The following CGNL1 variants were observed in gnomAD, a reference collection of about 807,000 sequenced individuals.
CGNL1 encodes cingulin like 1.
Under a neutral mutation model 141.2 loss-of-function variants are expected in CGNL1, and 132 were observed. The ratio of observed to expected loss-of-function variants is 0.93; its 90% CI spans 0.81 to 1.08. The LOEUF (loss-of-function observed/expected upper bound fraction) is 1.08, where lower values mean the gene tolerates loss of function less well. Among genes scored for constraint, CGNL1 ranks in the 50% least tolerant of loss-of-function variants. The pLI is 0.00. For synonymous variants in CGNL1, 690 were observed against 622.1 expected, an observed-to-expected ratio of 1.11 and a Z score of -1.63; for missense variants, 1,870 against 1,588.6, an observed-to-expected ratio of 1.18 and a Z score of -3.01.
At chr15:57,537,685 G>T (rs1321133213) in intron 14 of CGNL1, among the ~76,000 whole-genome samples, 1 of 152,128 alleles carries the variant, frequency 6.6e-6, no homozygotes, top group East Asian at 1.9e-4. Flanking sequence ...AACCCAAAAG[G>T]CAGCTACTTA....
intron 16 of CGNL1, 34 bp from the exon 17 acceptor site, chr15:57,545,558 G>A (rs749547840): frequency 1.3e-5 from 20 of 1,582,690 alleles, no homozygotes; most frequent in Non-Finnish European, 1.6e-5. Context: ...GGATGGGAGT[G>A]AGAGGGTTCT....
intron 7 of CGNL1, among the ~76,000 whole-genome samples, chr15:57,460,165 C>G (rs1447098539): frequency 6.6e-6 from 1 of 151,838 alleles, no homozygotes; most frequent in Non-Finnish European, 1.5e-5. Flanking sequence ...TATCTTGGCA[C>G]TACAAGAAAG....
At chr15:57,391,633 A>T (rs2062544391) in intron 1 of CGNL1, among the ~76,000 whole-genome samples, 1 of 152,226 alleles carries the variant, frequency 6.6e-6, no homozygotes, top group Non-Finnish European at 1.5e-5. Flanking sequence ...AACAGCAAAA[A>T]GTGGTTAAAA....
At chr15:57,457,910 A>G (rs536686332) in intron 7 of CGNL1, among the ~76,000 whole-genome samples, 24 of 152,254 alleles carry the variant, frequency 1.6e-4, no homozygotes, top group African/African-American at 5.5e-4. Context: ...CTTGCTTCTC[A>G]GCCTTCTTGA....
intron 1 of CGNL1, among the ~76,000 whole-genome samples, chr15:57,396,276 T>A (rs1395894386): frequency 7.8e-6 from 1 of 128,036 alleles, no homozygotes; most frequent in African/African-American, 2.9e-5. Flanking sequence ...TTTCTTTCTT[T>A]GTTTTTTTTT....
In CGNL1 at chr15:57,547,401, G is replaced by A. The variant is rs746327519; in HGVS notation, c.3820G>A (p.Asp1274Asn). The change falls in exon 19 of 19, where the codon GAT becomes AAT. Residue 1274 changes from aspartate to asparagine, a missense_variant. Coordinates refer to ENST00000281282, the MANE Select transcript of CGNL1 (RefSeq NM_032866.5). ...SKVLDDMDDD[D>N]DLSTDGGSLY... Reference sequence around the variant, plus strand: ...AGTGCTGGATGACATGGATGACGACGATGACCTCAGCACGGATGGGGGAAG... The same window carrying A: ...AGTGCTGGATGACATGGATGACGACAATGACCTCAGCACGGATGGGGGAAG... 1.2e-6 allele frequency: 2 copies of A among 1,614,094 alleles called. No individual in the cohort carries two copies. The highest frequency in any genetic ancestry group is 1.7e-6 in the Non-Finnish European group (2 of 1,180,022).
intron 1 of CGNL1, among the ~76,000 whole-genome samples, chr15:57,399,529 C>T (rs2062636651): frequency 6.8e-6 from 1 of 147,424 alleles, no homozygotes; most frequent in African/African-American, 2.5e-5. Context: ...CCTGAAGACC[C>T]AGGACATCTA....
intron 12 of CGNL1, among the ~76,000 whole-genome samples, chr15:57,528,266 A>T (rs1238118694): frequency 6.6e-6 from 1 of 151,250 alleles, no homozygotes; most frequent in Middle Eastern, 3.4e-3. Context: ...CAAAAAAAAA[A>T]GACAAAAAAA....
chr15:57,484,371 A>G lies in CGNL1; in HGVS notation c.2403+22479A>G, dbSNP rs556243396. 1.4e-3 allele frequency among the ~76,000 whole-genome samples: 211 copies of G among 152,250 alleles called. 7 individuals carry two copies. The highest frequency in any genetic ancestry group is 4.6e-4 in the Non-Finnish European group (31 of 68,012). On this transcript the variant is annotated intron_variant, in intron 8 of 18. Transcript: ENST00000281282. ...TTAAGGAATTGGTCTATTTCATCTAAGTTGTCAGATGTGTGTTGAGTTGTT... is the reference window on the plus strand; with the variant it reads ...TTAAGGAATTGGTCTATTTCATCTAGGTTGTCAGATGTGTGTTGAGTTGTT...
chr15:57,397,386 T>A (rs2062614265), intron 1 of CGNL1, among the ~76,000 whole-genome samples: 1 of 152,186 alleles, frequency 6.6e-6, no homozygotes, highest in Non-Finnish European at 1.5e-5. Context: ...GTGGTGGTGT[T>A]GGAGAAAATG....
At chr15:57,531,643 C>A in intron 13 of CGNL1, 47 bp from the exon 14 acceptor site, 1 of 1,248,568 alleles carries the variant, frequency 8.0e-7, no homozygotes, top group Non-Finnish European at 1.2e-6. Context: ...GCTGTTAATC[C>A]CGGTCAGTGC....
At chr15:57,518,599 G>A (rs979094764) in intron 10 of CGNL1, 102 bp downstream of exon 10, 2 of 771,402 alleles carry the variant, frequency 2.6e-6, no homozygotes, top group Admixed American at 2.2e-5. Context: ...CTCTTTCCAT[G>A]TAGCTCCCTT....
chr15:57,469,240 G>A lies in CGNL1; in HGVS notation c.2403+7348G>A, dbSNP rs947897696. ...GAGGAAGAAGAGAGACAGCTGACCTGAGCAGGCATCGTCTCTGGGTGCCTG... is the reference window on the plus strand; with the variant it reads ...GAGGAAGAAGAGAGACAGCTGACCTAAGCAGGCATCGTCTCTGGGTGCCTG... On this transcript the variant is annotated intron_variant, in intron 8 of 18. Transcript: ENST00000281282. 7.2e-5 allele frequency among the ~76,000 whole-genome samples: 11 copies of A among 151,992 alleles called. 1 individual carries two copies. The highest frequency in any genetic ancestry group is 4.6e-4 in the Admixed American group (7 of 15,258).
intron 1 of CGNL1, among the ~76,000 whole-genome samples, chr15:57,387,155 C>T (rs1340243188): frequency 6.6e-6 from 1 of 152,172 alleles, no homozygotes; most frequent in East Asian, 1.9e-4. Context: ...GTGGAACTGC[C>T]TAGTCTAGAT....
At chr15:57,523,974 A>G (rs1431682986) in intron 11 of CGNL1, among the ~76,000 whole-genome samples, 4 of 152,054 alleles carry the variant, frequency 2.6e-5, no homozygotes, top group African/African-American at 9.7e-5. Context: ...TTGCATCTCT[A>G]TTGCTTGTCC....
chr15:57,498,017 C>T (rs1444091276), intron 8 of CGNL1, among the ~76,000 whole-genome samples: 1 of 152,086 alleles, frequency 6.6e-6, no homozygotes, highest in Admixed American at 6.6e-5. Flanking sequence ...CCACAGGTAC[C>T]ACACTGTGGC....
intron 12 of CGNL1, among the ~76,000 whole-genome samples, chr15:57,524,995 A>AT (rs1243682011): frequency 9.9e-5 from 15 of 152,096 alleles, no homozygotes; most frequent in Admixed American, 1.3e-4. Context: ...TGAATCTATA[A>AT]TTTTTTGCCT....
At chr15:57,510,178 T>C (rs2152398683) in intron 8 of CGNL1, among the ~76,000 whole-genome samples, 1 of 152,338 alleles carries the variant, frequency 6.6e-6, no homozygotes, top group East Asian at 1.9e-4. Context: ...CCTTCCCTTT[T>C]GGGAAGCAGA....
intron 1 of CGNL1, among the ~76,000 whole-genome samples, chr15:57,418,145 G>C (rs761862904): frequency 6.6e-6 from 1 of 152,092 alleles, no homozygotes; most frequent in South Asian, 2.1e-4. Flanking sequence ...AGGAGAGGAG[G>C]CTTCTTGTCT....
Sources: gnomAD v4.1 joint callset for allele counts (sites outside exome capture counted in the v4.1 genomes callset) on GRCh38, gnomAD v4.1.1 for gene constraint, MANE v1.5 for transcripts, NCBI Gene and HGNC (gene_info 2026-07-23, HGNC 2026-07-21) for gene names.